CDH23: variants seen among roughly 807,000 people sequenced by gnomAD.
CDH23 encodes the protein cadherin-23.
A neutral mutation model predicts 317.1 loss-of-function variants in CDH23; 189 were observed. That is an observed-to-expected ratio of 0.60 (90% CI 0.53 to 0.67). CDH23 has a LOEUF of 0.67. CDH23 is among the 30% of genes least tolerant of loss of function. The probability of loss-of-function intolerance (pLI) is 0.00; values close to 1 mark genes in which losing one functional copy is unlikely to be tolerated. For synonymous variants in CDH23, 1,839 were observed against 1,876.8 expected (o/e 0.98, Z 0.52); for missense variants, 4,401 against 4,592.4 (o/e 0.96, Z 1.20).
At chr10:71,541,043 C>T (rs1855960635) in intron 6 of CDH23, among the ~76,000 whole-genome samples, 1 of 152,094 alleles carries the variant, frequency 6.6e-6, no homozygotes, top group Non-Finnish European at 1.5e-5. Context: ...CCTGCAAGCC[C>T]AGCGTCCCTT....
At chr10:71,547,498 A>T (rs530861986) in intron 6 of CDH23, among the ~76,000 whole-genome samples, 5 of 152,228 alleles carry the variant, frequency 3.3e-5, no homozygotes, top group Non-Finnish European at 5.9e-5. Context: ...GGAGGTCAAC[A>T]GGAAGCCACT....
chr10:71,418,312 C>T (rs906097399), intron 1 of CDH23, among the ~76,000 whole-genome samples: 4 of 152,182 alleles, frequency 2.6e-5, no homozygotes, highest in Non-Finnish European at 5.9e-5. Context: ...ATTGTATCAT[C>T]CAGCAGGCAG....
chr10:71,403,071 G>A (rs537259289), intron 1 of CDH23, among the ~76,000 whole-genome samples: 10 of 152,152 alleles, frequency 6.6e-5, no homozygotes, highest in Non-Finnish European at 1.5e-4. Flanking sequence ...GCAGTGAGCC[G>A]AGATCGCGCC....
At chr10:71,734,208 T>G in intron 32 of CDH23, 32 bp from the exon 33 acceptor site, 1 of 1,552,430 alleles carries the variant, frequency 6.4e-7, no homozygotes, top group Non-Finnish European at 8.8e-7. Context: ...GGTGCGATGT[T>G]GTCACTCACC....
chr10:71,653,707 G>A (rs550126554), intron 14 of CDH23, among the ~76,000 whole-genome samples: 3 of 152,314 alleles, frequency 2.0e-5, no homozygotes, highest in African/African-American at 7.2e-5. Context: ...CAGAAACCCA[G>A]CTTCAAATTC....
At chr10:71,709,286 C>T (rs1865892958) in intron 27 of CDH23, 75 bp downstream of exon 27, 1 of 1,364,946 alleles carries the variant, frequency 7.3e-7, no homozygotes, top group Non-Finnish European at 1.0e-6. Context: ...AGGAGCTGGC[C>T]TTTTGCTAAA....
chr10:71,727,985 G>T (rs972487382), intron 30 of CDH23, among the ~76,000 whole-genome samples: 16 of 152,268 alleles, frequency 1.1e-4, no homozygotes, highest in African/African-American at 3.4e-4. Context: ...CAGACTCATG[G>T]AGGACAGGCC....
intron 3 of CDH23, among the ~76,000 whole-genome samples, chr10:71,501,135 T>C (rs1338594356): frequency 6.6e-6 from 1 of 152,170 alleles, no homozygotes; most frequent in Non-Finnish European, 1.5e-5. Flanking sequence ...CCCAAAGTGC[T>C]GGGATTACAA....
chr10:71,741,415 G>C (rs1839729015), intron 37 of CDH23, among the ~76,000 whole-genome samples: 1 of 152,100 alleles, frequency 6.6e-6, no homozygotes, highest in Admixed American at 6.6e-5. Context: ...TTCCTTCCCT[G>C]CACCTCAGTT....
chr10:71,773,686 T>A (rs1297052750), intron 38 of CDH23, among the ~76,000 whole-genome samples: 2 of 152,124 alleles, frequency 1.3e-5, no homozygotes, highest in African/African-American at 4.8e-5. Context: ...CCAGCGTGCG[T>A]CCCAGCGAGT....
rs769621391 is a variant in CDH23, at chr10:71,799,091, T to C, written c.7055-20T>C. On this transcript the variant is annotated intron_variant, in intron 50 of 69. Coordinates refer to ENST00000224721, the MANE Select transcript of CDH23 (RefSeq NM_022124.6). The stretch of plus-strand genomic sequence containing the variant: ...GAATGAGGAGTGGCCAAAATGGCAG[T>C]GGGAGCCTCTGTGTCTTAGGGAAGG... 2 of 1,603,112 alleles carry C rather than the reference T, an allele frequency of 1.2e-6. No individual in the cohort carries two copies. The highest frequency in any genetic ancestry group is 3.4e-5 in the Admixed American group (2 of 59,632).
chr10:71,476,057 C>T (rs899911835), intron 3 of CDH23, among the ~76,000 whole-genome samples: 1 of 152,184 alleles, frequency 6.6e-6, no homozygotes, highest in African/African-American at 2.4e-5. Context: ...AGCTCCCAGA[C>T]ATTTGGTGAT....
At chr10:71,587,525 C>G (rs1022937157) in intron 9 of CDH23, among the ~76,000 whole-genome samples, 2 of 152,158 alleles carry the variant, frequency 1.3e-5, no homozygotes, top group African/African-American at 4.8e-5. Context: ...AGTGTTTCCC[C>G]GCTGTGTTAA....
intron 1 of CDH23, among the ~76,000 whole-genome samples, chr10:71,419,328 C>T (rs1848651186): frequency 6.6e-6 from 1 of 152,218 alleles, no homozygotes; most frequent in Non-Finnish European, 1.5e-5. Context: ...TTAGCCTCTG[C>T]TCTCCCCCTG....
intron 1 of CDH23, among the ~76,000 whole-genome samples, chr10:71,410,797 G>C (rs189683120): frequency 3.3e-4 from 51 of 152,276 alleles, no homozygotes; most frequent in Non-Finnish European, 7.5e-4. Context: ...GAGTCATCCT[G>C]TTGCGTATAG....
chr10:71,695,928 C>T (rs1472262153), intron 22 of CDH23, among the ~76,000 whole-genome samples: 2 of 152,202 alleles, frequency 1.3e-5, no homozygotes, highest in African/African-American at 2.4e-5. Flanking sequence ...ACTGCTGTGC[C>T]CCTGCAGTCA....
rs1320892747 is a variant in CDH23 at position 71,784,432 on chromosome 10, G to T, written c.5502+12G>T. On this transcript the variant is annotated intron_variant, in intron 42 of 69. Transcript: ENST00000224721. ...CACTCAGCTCCACAGTGAGTCTGGG[G>T]GCCCCACCCGCTGGCTTCACCTCGC... 6.2e-7 allele frequency: 1 copy of T among 1,610,290 alleles called. No homozygotes were observed. Among genetic ancestry groups the T allele is most frequent in the African/African-American group, 1.3e-5 (1 of 74,940 alleles).
Position 71,814,996 on chromosome 10 carries a change from A to T in CDH23, c.9783A>T (p.Pro3261=). The change falls in exon 70 of 70, where the codon CCA becomes CCT. Residue 3261 remains proline, a synonymous_variant. Transcript: ENST00000224721. ...ELDEEPGDHS[P]GQGSLRFRHK... ...ACGAGGAGCCAGGAGACCACAGCCCAGGGCAGGGTAGCCTGCGCTTCCGCC... is the reference window on the plus strand; with the variant it reads ...ACGAGGAGCCAGGAGACCACAGCCCTGGGCAGGGTAGCCTGCGCTTCCGCC... The T allele has an allele frequency of 5.0e-6, 8 of 1,612,602 alleles. No individual in the cohort carries two copies. Among genetic ancestry groups the T allele is most frequent in the African/African-American group, 1.3e-5 (1 of 75,066 alleles).
chr10:71,527,909 G>A (rs903752079), intron 6 of CDH23, among the ~76,000 whole-genome samples: 1 of 152,160 alleles, frequency 6.6e-6, no homozygotes, highest in African/African-American at 2.4e-5. Flanking sequence ...TTTGGCTGGA[G>A]CAGACCTCAC....
Sources: gnomAD v4.1 joint callset for allele counts (sites outside exome capture counted in the v4.1 genomes callset) on GRCh38, gnomAD v4.1.1 for gene constraint, MANE v1.5 for transcripts, NCBI Gene and HGNC (gene_info 2026-07-23, HGNC 2026-07-21) for gene names.